The following POLQ variants were observed in gnomAD, a reference collection of about 807,000 sequenced individuals.
The protein encoded by POLQ is epididymis secretory sperm binding protein.
POLQ carries 233 observed loss-of-function variants against 259.2 expected under a neutral mutation model. The observed-to-expected ratio is 0.90, with a 90% CI of 0.81 to 1.00. The LOEUF (loss-of-function observed/expected upper bound fraction) is 1.00. POLQ is among the 50% of genes least tolerant of loss of function. POLQ has a pLI of 0.00. For missense variants in POLQ, 2,871 were observed against 3,051.6 expected, an observed-to-expected ratio of 0.94 and a Z score of 1.39; for synonymous variants, 1,025 against 1,048.8, an observed-to-expected ratio of 0.98 and a Z score of 0.44.
At position 121,448,373 on chromosome 3, in the gene POLQ, A is replaced by G. The variant is rs185545069; in HGVS notation, c.7264+942T>C. ...CTTGATTCTTTTCATTTTTTATTTT[A>G]TTTTATTTTTTGGGATGGAGTTTCA... On this transcript the variant is annotated intron_variant, in intron 26 of 29. Transcript: ENST00000264233. 3.2e-3 allele frequency among the ~76,000 whole-genome samples: 489 copies of G among 151,308 alleles called. 2 individuals are homozygous for G. Among genetic ancestry groups the G allele is most frequent in the Non-Finnish European group, 5.5e-3 (376 of 67,832 alleles).
intron 5 of POLQ, among the ~76,000 whole-genome samples, chr3:121,535,704 G>C (rs1299801839): frequency 2.8e-5 from 3 of 107,866 alleles, no homozygotes; most frequent in Non-Finnish European, 3.6e-5. Context: ...CAAAAGAGCG[G>C]AACTCCATCT....
intron 14 of POLQ, among the ~76,000 whole-genome samples, chr3:121,496,561 A>G (rs1202687227): frequency 8.5e-5 from 13 of 152,304 alleles, no homozygotes; most frequent in Admixed American, 7.8e-4. Context: ...GAAAACAGAA[A>G]GGAGGATAGT....
intron 15 of POLQ, among the ~76,000 whole-genome samples, chr3:121,490,974 G>A (rs142244120): frequency 2.6e-5 from 4 of 152,156 alleles, no homozygotes; most frequent in African/African-American, 4.8e-5. Context: ...AGAATCACTC[G>A]AACCCAGGAG....
chr3:121,531,976 C>A (rs958189787), intron 6 of POLQ, among the ~76,000 whole-genome samples: 18 of 152,156 alleles, frequency 1.2e-4, no homozygotes, highest in Non-Finnish European at 2.6e-4. Context: ...TACTCAGAGG[C>A]ACAACTCTGC....
intron 15 of POLQ, 45 bp downstream of exon 15, chr3:121,493,433 T>A: frequency 2.1e-6 from 3 of 1,458,692 alleles, no homozygotes; most frequent in Non-Finnish European, 2.8e-6. Flanking sequence ...AATTGACATT[T>A]TTTTTTTATT....
chr3:121,436,122 C>T lies in POLQ; in HGVS notation c.7543G>A (p.Gly2515Arg). ...GCACAGGCCTCATCTATGAACAAACCTGTTTGGTCACTTTGGAGCATACCC... is the reference window on the plus strand; with the variant it reads ...GCACAGGCCTCATCTATGAACAAACTTGTTTGGTCACTTTGGAGCATACCC... ...REGMLQSDQT[G>R]LSRKRKLQGM... Residue 2515 changes from glycine (G) to arginine (R), a missense_variant and splice_region_variant, in exon 28 of 30, where the codon GGA becomes AGA. Gly to Arg is a moderately radical substitution (Grantham distance 125). Around this residue, in one of 3 missense-constraint regions of POLQ, gnomAD observed 2,080 missense variants for 2,126.0 expected, o/e 0.98. Transcript: ENST00000264233. 6.2e-7 allele frequency: 1 copy of T among 1,612,354 alleles called. No homozygotes were observed. Among genetic ancestry groups the T allele is most frequent in the Non-Finnish European group, 8.5e-7 (1 of 1,178,520 alleles).
chr3:121,441,367 A>G (rs2047591098), intron 26 of POLQ, among the ~76,000 whole-genome samples: 1 of 152,134 alleles, frequency 6.6e-6, no homozygotes, highest in South Asian at 2.1e-4. Context: ...CAAGATACAA[A>G]ACATGTTCAT....
intron 25 of POLQ, among the ~76,000 whole-genome samples, chr3:121,454,656 A>G (rs2047715448): frequency 6.6e-6 from 1 of 152,244 alleles, no homozygotes; most frequent in African/African-American, 2.4e-5. Context: ...ATAATGGTAA[A>G]GGGATCAATT....
At chr3:121,439,600 C>G (rs534854576) in intron 27 of POLQ, among the ~76,000 whole-genome samples, 1 of 152,144 alleles carries the variant, frequency 6.6e-6, no homozygotes, top group Admixed American at 6.5e-5. Context: ...TAGTGACTGG[C>G]TAATCTCTGA....
In POLQ at chr3:121,510,111, T is replaced by C; in HGVS notation, c.1744A>G (p.Ile582Val). 1 of 1,614,044 alleles carries C rather than the reference T, an allele frequency of 6.2e-7. No individual in the cohort carries two copies. Among genetic ancestry groups the C allele is most frequent in the Middle Eastern group, 1.6e-4 (1 of 6,062 alleles). The stretch of plus-strand genomic sequence containing the variant: ...AGTAGCCACATCACACAGGCCTCAA[T>C]CGCTCCAAGCTGAACAGACTCTTGA... ...RNQESVQLGA[I>V]EACVMWLLEN... Residue 582 changes from isoleucine (I) to valine (V), a missense_variant, in exon 11 of 30, where the codon ATT becomes GTT. By Grantham distance (29) the Ile-to-Val change is conservative. This residue lies in a region of POLQ where 783 missense variants were observed against 906.2 expected (regional missense o/e 0.86). Transcript: ENST00000264233.
chr3:121,451,595 G>A (rs1206693515), intron 25 of POLQ, among the ~76,000 whole-genome samples: 1 of 152,230 alleles, frequency 6.6e-6, no homozygotes, highest in Non-Finnish European at 1.5e-5. Context: ...GGAGGCTGCA[G>A]AACAGTGAAT....
chr3:121,501,861 A>G (rs554429920), intron 12 of POLQ, among the ~76,000 whole-genome samples: 1 of 150,350 alleles, frequency 6.7e-6, no homozygotes, highest in Non-Finnish European at 1.5e-5. Context: ...GTGGTGGCGC[A>G]TGCCTGTAAT....
chr3:121,470,827 G>C (rs370414143), intron 22 of POLQ, among the ~76,000 whole-genome samples: 15 of 152,172 alleles, frequency 9.9e-5, no homozygotes, highest in African/African-American at 3.6e-4. Flanking sequence ...TAGAGACATG[G>C]TTTCACTATC....
chr3:121,496,043 A>G (rs2048119178), intron 14 of POLQ, among the ~76,000 whole-genome samples: 1 of 151,770 alleles, frequency 6.6e-6, no homozygotes, highest in African/African-American at 2.4e-5. Context: ...CAGACCCAGA[A>G]TTTCTCGTTT....
intron 5 of POLQ, among the ~76,000 whole-genome samples, chr3:121,534,097 C>A (rs1323716448): frequency 6.6e-6 from 1 of 151,806 alleles, no homozygotes; most frequent in Admixed American, 6.6e-5. Flanking sequence ...AGGATGGTCT[C>A]GATCTCCTGA....
At chr3:121,495,664 G>A (rs1345124079) in intron 14 of POLQ, among the ~76,000 whole-genome samples, 4 of 134,724 alleles carry the variant, frequency 3.0e-5, no homozygotes, top group African/African-American at 1.1e-4. Context: ...CTAACACAGT[G>A]GAACCCCATC....
chr3:121,452,961 C>A (rs962907345), intron 25 of POLQ, among the ~76,000 whole-genome samples: 5 of 152,194 alleles, frequency 3.3e-5, no homozygotes, highest in African/African-American at 7.2e-5. Context: ...ACCCTTGACC[C>A]CCGAGCAGCC....
chr3:121,526,315 C>A (rs1310301205), intron 7 of POLQ, among the ~76,000 whole-genome samples: 2 of 152,184 alleles, frequency 1.3e-5, no homozygotes, highest in Non-Finnish European at 2.9e-5. Flanking sequence ...TCTTGTACAA[C>A]CAAAAGACTG....
rs1187183837 is a variant in POLQ, at chr3:121,483,513, AG to A, written c.5842del (p.Leu1948PhefsTer49). On this transcript the variant is annotated frameshift_variant, in exon 18 of 30. Transcript: ENST00000264233. LOFTEE classifies it high-confidence loss of function. Reference protein sequence around the residue: ...SLTLKDRMWYLQSCLRKESDK... With the variant: ...SLTLKDRMWYXQSCLRKESDK... ...AGATTCCTTTCGCAAGCAAGATTGA[AG>A]GTACCACATCCTGTCTTTCAAAGTC... The A allele has an allele frequency of 1.9e-6, 3 of 1,608,782 alleles. No individual in the cohort carries two copies. The highest frequency in any genetic ancestry group is 2.5e-6 in the Non-Finnish European group (3 of 1,177,948).
Sources: allele counts gnomAD v4.1 joint callset (sites outside exome capture counted in the v4.1 genomes callset), GRCh38; gene constraint gnomAD v4.1.1; regional missense constraint gnomAD v4.1.1; transcripts MANE v1.5; gene names NCBI Gene and HGNC (gene_info 2026-07-23, HGNC 2026-07-21).